IGF1R: variants seen among roughly 807,000 people sequenced by gnomAD.
The protein encoded by IGF1R is insulin-like growth factor 1 receptor.
A neutral mutation model predicts 144.6 loss-of-function variants in IGF1R; 44 were observed. The observed-to-expected ratio is 0.30, with a 90% CI of 0.24 to 0.39. The LOEUF (loss-of-function observed/expected upper bound fraction) is 0.39. Among genes scored for constraint, IGF1R ranks in the 10% least tolerant of loss-of-function variants. IGF1R has a pLI of 1.00. For synonymous variants in IGF1R, 795 were observed against 722.8 expected (o/e 1.10, Z -1.60); for missense variants, 1,355 against 1,833.7 (o/e 0.74, Z 4.77).
chr15:98,790,474 G>A (rs1288420976), intron 2 of IGF1R, among the ~76,000 whole-genome samples: 1 of 152,200 alleles, frequency 6.6e-6, no homozygotes, highest in Non-Finnish European at 1.5e-5. Flanking sequence ...CACTTGCAAA[G>A]GTCCTGTGGT....
At chr15:98,837,726 TTCTA>T (rs1308283237) in intron 2 of IGF1R, among the ~76,000 whole-genome samples, 1 of 152,334 alleles carries the variant, frequency 6.6e-6, no homozygotes, top group East Asian at 1.9e-4. Context: ...AATGGCAATT[TTCTA>T]TCTTATTGTC....
chr15:98,940,714 T>C (rs964317165), intron 18 of IGF1R, among the ~76,000 whole-genome samples: 5 of 152,218 alleles, frequency 3.3e-5, no homozygotes, highest in African/African-American at 1.2e-4. Flanking sequence ...TGAGAATGGT[T>C]TCTAAAGTAG....
chr15:98,913,113 C>T lies in IGF1R; in HGVS notation c.1659C>T (p.Asp553=), dbSNP rs368071298. Residue 553 remains aspartate, a synonymous_variant, in exon 8 of 21, where the codon GAC becomes GAT. Coordinates refer to ENST00000650285, the MANE Select transcript of IGF1R (RefSeq NM_000875.5). Reference sequence around the variant, plus strand: ...GCTCCAACAGCTGGAACATGGTGGACGTGGACCTCCCGCCCAACAAGGACG... The same window carrying T: ...GCTCCAACAGCTGGAACATGGTGGATGTGGACCTCCCGCCCAACAAGGACG... ...ACGSNSWNMV[D]VDLPPNKDVE... 78 of 1,614,084 alleles carry T rather than the reference C, an allele frequency of 4.8e-5. No homozygotes were observed. Among genetic ancestry groups the T allele is most frequent in the Non-Finnish European group, 5.7e-5 (67 of 1,180,040 alleles).
intron 18 of IGF1R, among the ~76,000 whole-genome samples, chr15:98,939,914 C>A (rs1168120962): frequency 6.6e-6 from 1 of 152,202 alleles, no homozygotes; most frequent in Non-Finnish European, 1.5e-5. Context: ...GCTGGCCAGC[C>A]TCCAAGCTCT....
intron 1 of IGF1R, among the ~76,000 whole-genome samples, chr15:98,687,463 G>C (rs1157710088): frequency 6.6e-6 from 1 of 152,214 alleles, no homozygotes; most frequent in East Asian, 1.9e-4. Context: ...GCTGAGACTG[G>C]ATGTATTGAC....
intron 1 of IGF1R, among the ~76,000 whole-genome samples, chr15:98,682,984 A>G (rs1391175914): frequency 1.3e-5 from 2 of 150,390 alleles, no homozygotes; most frequent in Non-Finnish European, 1.5e-5. Context: ...TGAACCCCTC[A>G]TATCAGTGAC....
Position 98,658,974 on chromosome 15 carries a change from G to C in IGF1R, c.94+9299G>C, listed in dbSNP as rs144130260. On this transcript the variant is annotated intron_variant, in intron 1 of 20. Coordinates refer to ENST00000650285, the MANE Select transcript of IGF1R (RefSeq NM_000875.5). ...TTAAACATTCATAGAAATCAAATTCGTACACATGTCAAGTGCCTAGAATAG... is the reference window on the plus strand; with the variant it reads ...TTAAACATTCATAGAAATCAAATTCCTACACATGTCAAGTGCCTAGAATAG... Among the ~76,000 whole-genome samples, 188 of 152,236 alleles carry C rather than the reference G, an allele frequency of 1.2e-3. 4 individuals are homozygous for C. In the East Asian group the frequency reaches 0.031, roughly 25 times the overall value.
At chr15:98,911,468 T>C (rs2015015855) in intron 7 of IGF1R, 27 bp downstream of exon 7, 1 of 1,614,050 alleles carries the variant, frequency 6.2e-7, no homozygotes. Context: ...GGTGATGCCA[T>C]TCTGTTGACA....
intron 19 of IGF1R, among the ~76,000 whole-genome samples, chr15:98,946,970 G>A (rs569196349): frequency 4.9e-4 from 74 of 152,344 alleles, no homozygotes; most frequent in African/African-American, 1.8e-3. Flanking sequence ...TGGAGAGCTA[G>A]TCATTTCTTG....
At position 98,957,170 on chromosome 15, in the gene IGF1R, T is replaced by C. The variant is rs2017025635; in HGVS notation, c.3832T>C (p.Ser1278Pro). ...EEMEPGFREV[S>P]FYYSEENKLP... Reference sequence around the variant, plus strand: ...GATGGAGCCTGGCTTCCGGGAGGTCTCCTTCTACTACAGCGAGGAGAACAA... The same window carrying C: ...GATGGAGCCTGGCTTCCGGGAGGTCCCCTTCTACTACAGCGAGGAGAACAA... Residue 1278 changes from serine (S) to proline (P), a missense_variant, in exon 21 of 21, where the codon TCC becomes CCC. Physicochemically the swap from Ser to Pro is moderately conservative, Grantham distance 74. Transcript: ENST00000650285. 1 of 1,614,118 alleles carries C rather than the reference T, an allele frequency of 6.2e-7. No individual in the cohort carries two copies. Among genetic ancestry groups the C allele is most frequent in the South Asian group, 1.1e-5 (1 of 91,088 alleles).
In IGF1R at chr15:98,750,117, C is replaced by G. The variant is rs139261515; in HGVS notation, c.640+42010C>G. On this transcript the variant is annotated intron_variant, in intron 2 of 20. Transcript: ENST00000650285. ...TACCTTTCTCTTTTGTCATTCTCAA[C>G]CTCTTACCTGAAGAGTCCATTCCCT... 3.9e-5 allele frequency among the ~76,000 whole-genome samples: 6 copies of G among 152,320 alleles called. No individual in the cohort carries two copies. The East Asian group carries it at 1.2e-3, about 29-fold the overall frequency.
In IGF1R at chr15:98,649,629, C is replaced by T; in HGVS notation, c.48C>T (p.Leu16=). The change falls in exon 1 of 21, where the codon CTC becomes CTT. Residue 16 remains leucine, a synonymous_variant. Coordinates refer to ENST00000650285, the MANE Select transcript of IGF1R (RefSeq NM_000875.5). The part of the protein sequence containing the change: ...GGGSPTSLWG[L]LFLSAALSLW... ...GGTCCCCGACCTCGCTGTGGGGGCT[C>T]CTGTTTCTCTCCGCCGCGCTCTCGC... is the stretch of plus-strand genomic sequence containing the variant. 6.2e-7 allele frequency: 1 copy of T among 1,608,786 alleles called. No individual in the cohort carries two copies.
At chr15:98,753,429 T>C (rs4477684) in intron 2 of IGF1R, among the ~76,000 whole-genome samples, 39,885 of 136,610 alleles carry the variant, frequency 0.29, 6,645 homozygotes, top group Non-Finnish European at 0.37. Context: ...GACGGGGTCA[T>C]TCTATGTTGC....
intron 2 of IGF1R, among the ~76,000 whole-genome samples, chr15:98,737,622 C>T (rs1173334956): frequency 2.0e-5 from 3 of 152,114 alleles, no homozygotes; most frequent in Non-Finnish European, 4.4e-5. Context: ...GAAAAGTTAC[C>T]TTGTTCTCAT....
chr15:98,870,554 A>G (rs1383612276), intron 2 of IGF1R, among the ~76,000 whole-genome samples: 3 of 152,228 alleles, frequency 2.0e-5, no homozygotes, highest in African/African-American at 2.4e-5. Flanking sequence ...CTTCCAAGGA[A>G]AAGAAAACAG....
intron 17 of IGF1R, among the ~76,000 whole-genome samples, chr15:98,936,275 C>G (rs2016145083): frequency 6.6e-6 from 1 of 152,216 alleles, no homozygotes; most frequent in African/African-American, 2.4e-5. Context: ...GGGTTATGAG[C>G]TTCCAATTCT....
intron 15 of IGF1R, among the ~76,000 whole-genome samples, chr15:98,930,785 T>A (rs1463805900): frequency 6.6e-6 from 1 of 152,082 alleles, no homozygotes; most frequent in Non-Finnish European, 1.5e-5. Flanking sequence ...CCGACTAGGG[T>A]CATACGCTCG....
rs554094933 is a variant in IGF1R at position 98,649,445 on chromosome 15, C to T, written c.-137C>T. ...GGCGCCGCCTTCGGAGTATTGTTTC[C>T]TTCGCCCTTGTTTTTGGAGGGGGAG... On this transcript the variant is annotated 5_prime_UTR_variant, in exon 1 of 21. Transcript: ENST00000650285. 3 of 659,162 alleles carry T rather than the reference C, an allele frequency of 4.6e-6. No individual in the cohort carries two copies. The African/African-American group carries it at 5.7e-5, about 13-fold the overall frequency. The allele number at this position is 659,162 out of a possible 1,614,324, so 40.8% of individuals were successfully genotyped here.
rs1449528474 is a variant in IGF1R, at chr15:98,960,541, CTG to C, written c.*3102_*3103del. 2.1e-5 allele frequency: 5 copies of C among 233,382 alleles called. No individual in the cohort carries two copies. Among genetic ancestry groups the C allele is most frequent in the African/African-American group, 6.6e-5 (3 of 45,360 alleles). The allele number at this position is 233,382 out of a possible 1,614,324, so 14.5% of individuals were successfully genotyped here. ...GGAAGGTGTCCAGGCAGCACCATCT[CTG>C]TGCGAATCCCCAGGGTAAAGGCGTG... is the stretch of plus-strand genomic sequence containing the variant. On this transcript the variant is annotated 3_prime_UTR_variant, in exon 21 of 21. Coordinates refer to ENST00000650285, the MANE Select transcript of IGF1R (RefSeq NM_000875.5).
Sources: allele counts gnomAD v4.1 joint callset (sites outside exome capture counted in the v4.1 genomes callset), GRCh38; gene constraint gnomAD v4.1.1; transcripts MANE v1.5; gene names NCBI Gene and HGNC (gene_info 2026-07-23, HGNC 2026-07-21).